The following PLEKHM3 variants were observed in gnomAD, a reference collection of about 807,000 sequenced individuals.
The protein encoded by PLEKHM3 is pleckstrin homology domain-containing family M member 3.
In PLEKHM3, 45 loss-of-function variants were observed where a neutral mutation model predicts 81.8. The ratio of observed to expected loss-of-function variants is 0.55; its 90% CI spans 0.43 to 0.71. The LOEUF is 0.71. Ranked by LOEUF, PLEKHM3 falls within the 30% of genes least tolerant of loss-of-function variation. The probability of loss-of-function intolerance (pLI) is 0.00; values close to 1 mark genes in which losing one functional copy is unlikely to be tolerated. For missense variants in PLEKHM3, 788 were observed against 924.3 expected, an observed-to-expected ratio of 0.85 and a Z score of 1.91; for synonymous variants, 352 against 356.4, an observed-to-expected ratio of 0.99 and a Z score of 0.14.
chr2:207,884,965 G>T (rs1446833798), intron 6 of PLEKHM3, among the ~76,000 whole-genome samples: 1 of 152,170 alleles, frequency 6.6e-6, no homozygotes, highest in African/African-American at 2.4e-5. Flanking sequence ...ATCATCATGT[G>T]CTGCTGAAAC....
chr2:208,010,554 A>G (rs908991983), intron 1 of PLEKHM3, among the ~76,000 whole-genome samples: 1 of 151,822 alleles, frequency 6.6e-6, no homozygotes, highest in Non-Finnish European at 1.5e-5. Context: ...TGAGAGGAAG[A>G]AGGCAAAAAC....
intron 7 of PLEKHM3, among the ~76,000 whole-genome samples, chr2:207,845,214 G>GC (rs1457536719): frequency 2.6e-5 from 4 of 152,102 alleles, no homozygotes; most frequent in Admixed American, 2.0e-4. Context: ...ATTTAATGAG[G>GC]TATTACTATC....
At chr2:207,846,876 T>A (rs957588579) in intron 7 of PLEKHM3, among the ~76,000 whole-genome samples, 4 of 152,174 alleles carry the variant, frequency 2.6e-5, no homozygotes, top group Non-Finnish European at 5.9e-5. Context: ...TAAAAATACA[T>A]ATGTGTAGAA....
intron 6 of PLEKHM3, among the ~76,000 whole-genome samples, chr2:207,887,280 C>T (rs1161895882): frequency 6.6e-6 from 1 of 152,162 alleles, no homozygotes; most frequent in Non-Finnish European, 1.5e-5. Context: ...GCATCTAAGG[C>T]AATTTACTGT....
intron 5 of PLEKHM3, among the ~76,000 whole-genome samples, chr2:207,918,672 T>C (rs1297311893): frequency 2.0e-5 from 3 of 152,220 alleles, no homozygotes; most frequent in Middle Eastern, 3.2e-3. Context: ...TTGTTTTCTA[T>C]GATGAACAGT....
At chr2:207,925,145 T>G (rs1270852168) in intron 5 of PLEKHM3, among the ~76,000 whole-genome samples, 2 of 142,642 alleles carry the variant, frequency 1.4e-5, no homozygotes, top group Non-Finnish European at 3.1e-5. Flanking sequence ...TTTTTGTTTT[T>G]TGTTTTTTTT....
At chr2:207,895,313 C>T (rs1688187088) in intron 6 of PLEKHM3, among the ~76,000 whole-genome samples, 1 of 152,230 alleles carries the variant, frequency 6.6e-6, no homozygotes, top group Non-Finnish European at 1.5e-5. Context: ...GATCCTGGCC[C>T]TGTCAGCATA....
At chr2:207,913,483 G>A (rs1324315272) in intron 5 of PLEKHM3, among the ~76,000 whole-genome samples, 2 of 152,120 alleles carry the variant, frequency 1.3e-5, no homozygotes, top group Non-Finnish European at 2.9e-5. Context: ...GAAGAAGGTG[G>A]TCAATGGCAT....
chr2:207,986,681 T>G (rs1467244826), intron 2 of PLEKHM3, among the ~76,000 whole-genome samples: 1 of 151,322 alleles, frequency 6.6e-6, no homozygotes, highest in African/African-American at 2.4e-5. Flanking sequence ...TTTTTGTTTT[T>G]TTTTTTTCAG....
chr2:207,894,366 G>A (rs1688153243), intron 6 of PLEKHM3, among the ~76,000 whole-genome samples: 1 of 152,194 alleles, frequency 6.6e-6, no homozygotes, highest in African/African-American at 2.4e-5. Flanking sequence ...GGGAAACTGG[G>A]CAGGAAGCTG....
intron 1 of PLEKHM3, among the ~76,000 whole-genome samples, chr2:208,023,890 T>C (rs530298122): frequency 3.1e-4 from 47 of 152,224 alleles, no homozygotes; most frequent in Middle Eastern, 3.4e-3. Context: ...AACATGTATA[T>C]AGCAATTACT....
chr2:207,989,069 C>T (rs142232525), intron 2 of PLEKHM3, among the ~76,000 whole-genome samples: 1 of 152,312 alleles, frequency 6.6e-6, no homozygotes, highest in African/African-American at 2.4e-5. Flanking sequence ...GCTTTATTTC[C>T]TTCAAAGAAC....
intron 6 of PLEKHM3, among the ~76,000 whole-genome samples, chr2:207,881,864 T>C (rs1006561683): frequency 6.6e-6 from 1 of 152,118 alleles, no homozygotes; most frequent in Non-Finnish European, 1.5e-5. Flanking sequence ...GGCACCATCC[T>C]GGGGTCAGTC....
intron 3 of PLEKHM3, among the ~76,000 whole-genome samples, chr2:207,973,067 A>C (rs1009559934): frequency 1.3e-5 from 2 of 152,262 alleles, no homozygotes; most frequent in African/African-American, 4.8e-5. Context: ...ACCATGAAAT[A>C]CAGTGAATTA....
intron 3 of PLEKHM3, among the ~76,000 whole-genome samples, chr2:207,966,774 C>T (rs1429611476): frequency 1.3e-5 from 2 of 152,048 alleles, no homozygotes; most frequent in Non-Finnish European, 2.9e-5. Flanking sequence ...GGGCTGGTCT[C>T]GATCTCCTGA....
Position 207,972,070 on chromosome 2 carries a change from C to G in PLEKHM3, c.1546+4581G>C, listed in dbSNP as rs1185623374. Among the ~76,000 whole-genome samples the G allele has an allele frequency of 2.6e-5, 4 of 152,240 alleles. No homozygotes were observed. The East Asian group carries it at 7.7e-4, about 29-fold the overall frequency. On this transcript the variant is annotated intron_variant, in intron 3 of 7. Transcript: ENST00000427836. ...CATTCACTGATGTGATTATTTGATTCATGTCTTCCCTAGTGGACTGCAAAT... is the reference window on the plus strand; with the variant it reads ...CATTCACTGATGTGATTATTTGATTGATGTCTTCCCTAGTGGACTGCAAAT...
intron 1 of PLEKHM3, among the ~76,000 whole-genome samples, chr2:208,018,909 T>C (rs1371357346): frequency 6.6e-6 from 1 of 151,920 alleles, no homozygotes; most frequent in African/African-American, 2.4e-5. Flanking sequence ...ATATAAAGAA[T>C]TTATAGAGGC....
intron 7 of PLEKHM3, among the ~76,000 whole-genome samples, chr2:207,842,024 G>A (rs959747462): frequency 1.3e-5 from 2 of 152,218 alleles, no homozygotes; most frequent in East Asian, 1.9e-4. Flanking sequence ...TGCAAGCTCC[G>A]CCTCCCGGGT....
intron 5 of PLEKHM3, among the ~76,000 whole-genome samples, chr2:207,913,312 T>G (rs1301095254): frequency 6.6e-6 from 1 of 152,012 alleles, no homozygotes; most frequent in Non-Finnish European, 1.5e-5. Flanking sequence ...GGGGGGCACA[T>G]GCTGGGAAAT....
Sources: allele counts gnomAD v4.1 joint callset (sites outside exome capture counted in the v4.1 genomes callset), GRCh38; gene constraint gnomAD v4.1.1; transcripts MANE v1.5; gene names NCBI Gene and HGNC (gene_info 2026-07-23, HGNC 2026-07-21).